RPGRIP1: variants seen among roughly 807,000 people sequenced by gnomAD.
The protein encoded by RPGRIP1 is RPGR interacting protein 1.
In RPGRIP1, 128 loss-of-function variants were observed where a neutral mutation model predicts 157.9. The observed-to-expected ratio is 0.81, with a 90% CI of 0.70 to 0.94. The LOEUF is 0.94. Ranked by LOEUF, RPGRIP1 falls within the 40% of genes least tolerant of loss-of-function variation. The pLI is 0.00. For synonymous variants in RPGRIP1, 554 were observed against 571.6 expected, an observed-to-expected ratio of 0.97 and a Z score of 0.44; for missense variants, 1,486 against 1,545.8, an observed-to-expected ratio of 0.96 and a Z score of 0.65.
Position 21,321,357 on chromosome 14 carries a change from C to A in RPGRIP1, c.1566C>A (p.Thr522=), listed in dbSNP as rs767275831. The A allele has an allele frequency of 6.2e-7, 1 of 1,613,776 alleles. No individual in the cohort carries two copies. Among genetic ancestry groups the A allele is most frequent in the South Asian group, 1.1e-5 (1 of 91,038 alleles). The change falls in exon 13 of 25, where the codon ACC becomes ACA. Residue 522 remains threonine, a synonymous_variant. Coordinates refer to ENST00000400017, the MANE Select transcript of RPGRIP1 (RefSeq NM_020366.4). ...AGACCACATTGGAACTAGAAAAGAC[C>A]AGGGACATGCTTATTCTGCAGCGCA... The part of the protein sequence containing the change: ...HAETTLELEK[T]RDMLILQRKI...
At chr14:21,323,081 C>T (rs1882674744) in intron 14 of RPGRIP1, among the ~76,000 whole-genome samples, 2 of 152,206 alleles carry the variant, frequency 1.3e-5, no homozygotes. Flanking sequence ...AGCCCTCTTT[C>T]GGGAAGCAAA....
intron 24 of RPGRIP1, among the ~76,000 whole-genome samples, chr14:21,348,698 C>T (rs1356570015): frequency 7.7e-6 from 1 of 129,228 alleles, no homozygotes; most frequent in Non-Finnish European, 1.5e-5. Context: ...TGGAGCCTCA[C>T]TCTGTCGCCC....
chr14:21,321,451 A>G (rs776673776), intron 13 of RPGRIP1, 49 bp downstream of exon 13: 24 of 1,581,798 alleles, frequency 1.5e-5, no homozygotes, highest in Non-Finnish European at 2.0e-5. Context: ...GGAACGTGGG[A>G]ACCACTCACA....
In RPGRIP1 at chr14:21,328,625, G is replaced by A. The variant is rs3748361; in HGVS notation, c.3097G>A (p.Glu1033Lys). 1 of 1,605,676 alleles carries A rather than the reference G, an allele frequency of 6.2e-7. No homozygotes were observed. The highest frequency in any genetic ancestry group is 2.2e-5 in the East Asian group (1 of 44,806). The change falls in exon 19 of 25, where the codon GAG becomes AAG. Residue 1033 changes from glutamate to lysine, a missense_variant and splice_region_variant. By Grantham distance (56) the Glu-to-Lys change is moderately conservative. Coordinates refer to ENST00000400017, the MANE Select transcript of RPGRIP1 (RefSeq NM_020366.4). ...SLNILNGNTP[E>K]QVNYTEWKFS... The stretch of plus-strand genomic sequence containing the variant: ...TAACATCTTAAATGGAAATACACCA[G>A]AGGTAAGACCTTAAAAACTCTGAAG...
At chr14:21,321,142 T>C (rs1360579351) in intron 12 of RPGRIP1, 117 bp from the exon 13 acceptor site, 2 of 1,017,250 alleles carry the variant, frequency 2.0e-6, no homozygotes, top group African/African-American at 3.3e-5. Flanking sequence ...TGTTTACATT[T>C]TGGAGTAGTT....
At position 21,321,929 on chromosome 14, in the gene RPGRIP1, C is replaced by T. The variant is rs776963292; in HGVS notation, c.1687C>T (p.Arg563Ter). The T allele has an allele frequency of 3.1e-6, 5 of 1,613,374 alleles. No individual in the cohort carries two copies. The highest frequency in any genetic ancestry group is 4.2e-6 in the Non-Finnish European group (5 of 1,179,468). Reference sequence around the variant, plus strand: ...CAAAGAAAAGCTGGAGAGGTTGACTCGACTACTAGACCTCAAGAATAACCG... The same window carrying T: ...CAAAGAAAAGCTGGAGAGGTTGACTTGACTACTAGACCTCAAGAATAACCG... Reference protein sequence around the residue: ...DHKEKLERLTRLLDLKNNRIK... With the variant: ...DHKEKLERLT The change falls in exon 14 of 25, where the codon CGA (arginine) becomes TGA (stop). Residue 563 changes from arginine (R) to a stop codon, truncating the protein, a stop_gained. Transcript: ENST00000400017. LOFTEE classifies it high-confidence loss of function.
chr14:21,283,896 G>A (rs1880216857), intron 1 of RPGRIP1, among the ~76,000 whole-genome samples: 1 of 152,106 alleles, frequency 6.6e-6, no homozygotes, highest in Non-Finnish European at 1.5e-5. Context: ...CTCCCAAAGT[G>A]TTGGGATTAT....
chr14:21,324,559 C>T, intron 14 of RPGRIP1, 59 bp from the exon 15 acceptor site: 1 of 1,404,818 alleles, frequency 7.1e-7, no homozygotes, highest in Non-Finnish European at 1.0e-6. Context: ...CCACCCTCCT[C>T]TACCCTAAGA....
chr14:21,326,916 T>C (rs933994046), intron 17 of RPGRIP1, among the ~76,000 whole-genome samples: 2 of 152,168 alleles, frequency 1.3e-5, no homozygotes, highest in African/African-American at 4.8e-5. Flanking sequence ...CATACTGTCT[T>C]TCCTAACTTT....
intron 5 of RPGRIP1, chr14:21,302,865 G>GTTTTTTTTTTTTTTTT (rs59447072): frequency 1.1e-5 from 1 of 88,198 alleles, no homozygotes; most frequent in African/African-American, 4.7e-5. Context: ...CCTTTGTTGT[G>GTTTTTTTTTTTTTTTT]TTTTTTTTTT....
At position 21,294,768 on chromosome 14, in the gene RPGRIP1, G is replaced by T; in HGVS notation, c.177G>T (p.Leu59Phe). ...SFFRLREDHM[L>F]VKELSWKQQD... Reference sequence around the variant, plus strand: ...TTCGACTTCGCGAAGATCACATGTTGGTGAAGGAGCTTTCTTGGAAGCAAC... The same window carrying T: ...TTCGACTTCGCGAAGATCACATGTTTGTGAAGGAGCTTTCTTGGAAGCAAC... The change falls in exon 3 of 25, where the codon TTG (leucine) becomes TTT (phenylalanine). Residue 59 changes from leucine to phenylalanine, a missense_variant. Coordinates refer to ENST00000400017, the MANE Select transcript of RPGRIP1 (RefSeq NM_020366.4). The T allele has an allele frequency of 6.2e-7, 1 of 1,608,838 alleles. No homozygotes were observed.
At chr14:21,349,238 TTTTG>T (rs1441990563) in intron 24 of RPGRIP1, among the ~76,000 whole-genome samples, 1 of 150,872 alleles carries the variant, frequency 6.6e-6, no homozygotes, top group African/African-American at 2.4e-5. Context: ...GCCAGCTAAT[TTTTG>T]TATTTTTAGT....
At chr14:21,324,196 A>T (rs147424920) in intron 14 of RPGRIP1, 50 of 297,418 alleles carry the variant, frequency 1.7e-4, no homozygotes, top group African/African-American at 1.0e-3. Context: ...CATAGACACT[A>T]TGTCTGCAAC....
At chr14:21,297,834 A>ATTTTTTCTTTCT (rs146421534) in intron 3 of RPGRIP1, among the ~76,000 whole-genome samples, 2,715 of 133,312 alleles carry the variant, frequency 0.02, 51 homozygotes, top group East Asian at 0.059. Flanking sequence ...TCAATAAATT[A>ATTTTTTCTTTCT]TTCTTTCTTT....
At chr14:21,303,160 G>A (rs1007672020) in intron 5 of RPGRIP1, among the ~76,000 whole-genome samples, 171 bp from the exon 6 acceptor site, 6 of 152,006 alleles carry the variant, frequency 3.9e-5, no homozygotes, top group Admixed American at 1.3e-4. Flanking sequence ...GAGCCACCAC[G>A]CCTGGCCCAT....
At chr14:21,299,321 G>A (rs368952346) in intron 3 of RPGRIP1, among the ~76,000 whole-genome samples, 44 of 150,476 alleles carry the variant, frequency 2.9e-4, no homozygotes, top group African/African-American at 1.1e-3. Flanking sequence ...TTTTTTAATT[G>A]TTGAGAACTT....
intron 22 of RPGRIP1, among the ~76,000 whole-genome samples, 185 bp from the exon 23 acceptor site, chr14:21,344,928 T>A (rs1885408456): frequency 6.6e-6 from 1 of 151,958 alleles, no homozygotes; most frequent in Admixed American, 6.6e-5. Context: ...CCTGACACAG[T>A]AAGAATCTGT....
At chr14:21,284,330 T>C (rs1419652780) in intron 1 of RPGRIP1, among the ~76,000 whole-genome samples, 1 of 152,082 alleles carries the variant, frequency 6.6e-6, no homozygotes, top group Admixed American at 6.6e-5. Flanking sequence ...GACTCTACTA[T>C]AGAACCTAAA....
At position 21,298,864 on chromosome 14, in the gene RPGRIP1, C is replaced by G. The variant is rs553966256; in HGVS notation, c.219-2102C>G. On this transcript the variant is annotated intron_variant, in intron 3 of 24. Transcript: ENST00000400017. Reference sequence around the variant, plus strand: ...CTGAGGCAGGAGAATCTCTTGAACCCGGGAGGCTGAGGCTCTAGTGAGCAG... The same window carrying G: ...CTGAGGCAGGAGAATCTCTTGAACCGGGGAGGCTGAGGCTCTAGTGAGCAG... 8.9e-4 allele frequency among the ~76,000 whole-genome samples: 132 copies of G among 148,546 alleles called. 1 individual carries two copies. The highest frequency in any genetic ancestry group is 9.0e-4 in the Non-Finnish European group (61 of 67,466).
Sources: gnomAD v4.1 joint callset for allele counts (sites outside exome capture counted in the v4.1 genomes callset) on GRCh38, gnomAD v4.1.1 for gene constraint, MANE v1.5 for transcripts, NCBI Gene and HGNC (gene_info 2026-07-23, HGNC 2026-07-21) for gene names.